Variants in PRKCI observed in about 807,000 individuals in gnomAD.
The protein encoded by PRKCI is protein kinase C iota.
In PRKCI, 43 loss-of-function variants were observed where a neutral mutation model predicts 84.0. The ratio of observed to expected loss-of-function variants is 0.51; its 90% CI spans 0.40 to 0.66. The LOEUF (loss-of-function observed/expected upper bound fraction) is 0.66. Among genes scored for constraint, PRKCI ranks in the 30% least tolerant of loss-of-function variants. The pLI, the probability that PRKCI is intolerant of heterozygous loss-of-function variation, is 0.00. For synonymous variants in PRKCI, 216 were observed against 234.4 expected, an observed-to-expected ratio of 0.92 and a Z score of 0.72; for missense variants, 459 against 745.6, an observed-to-expected ratio of 0.62 and a Z score of 4.48.
chr3:170,273,423 T>A lies in PRKCI; in HGVS notation c.646+83T>A, dbSNP rs2108855121. On this transcript the variant is annotated intron_variant, in intron 7 of 17. Coordinates refer to ENST00000295797, the MANE Select transcript of PRKCI (RefSeq NM_002740.6). ...ACTTAGGTGACTCTCTTACCCAAGTTTAAAAACATTTACTTCTTCCCAATT... is the reference window on the plus strand; with the variant it reads ...ACTTAGGTGACTCTCTTACCCAAGTATAAAAACATTTACTTCTTCCCAATT... 17 of 1,260,292 alleles carry A rather than the reference T, an allele frequency of 1.3e-5. No individual in the cohort carries two copies. In the South Asian group the frequency reaches 2.1e-4, roughly 16 times the overall value. 78.1% of individuals were successfully genotyped at this position (1,260,292 alleles called of 1,614,324 possible).
chr3:170,275,993 G>A (rs952060710), intron 8 of PRKCI, among the ~76,000 whole-genome samples: 2 of 149,524 alleles, frequency 1.3e-5, no homozygotes, highest in African/African-American at 5.0e-5. Context: ...GAGTGCAGTG[G>A]TGTGATTATG....
chr3:170,239,005 A>G, intron 2 of PRKCI, among the ~76,000 whole-genome samples: 1 of 152,218 alleles, frequency 6.6e-6, no homozygotes, highest in East Asian at 1.9e-4. Context: ...AAGTGCTGGG[A>G]TTACAGGTGT....
At chr3:170,262,852 A>G (rs1461010882) in intron 3 of PRKCI, among the ~76,000 whole-genome samples, 3 of 141,694 alleles carry the variant, frequency 2.1e-5, no homozygotes. Flanking sequence ...TTTTTTTTTA[A>G]CATCAACAAA....
In PRKCI at chr3:170,281,198, G is replaced by A. The variant is rs965166712; in HGVS notation, c.915G>A (p.Val305=). 1.2e-6 allele frequency: 2 copies of A among 1,613,636 alleles called. No homozygotes were observed. Among genetic ancestry groups the A allele is most frequent in the African/African-American group, 1.3e-5 (1 of 75,042 alleles). The change falls in exon 10 of 18, where the codon GTG becomes GTA. Residue 305 remains valine, a synonymous_variant. Transcript: ENST00000295797. Reference sequence around the variant, plus strand: ...ATTGGGTACAGACAGAGAAGCATGTGTTTGAGCAGGCATCCAATCATCCTT... The same window carrying A: ...ATTGGGTACAGACAGAGAAGCATGTATTTGAGCAGGCATCCAATCATCCTT... ...DIDWVQTEKH[V]FEQASNHPFL...
At chr3:170,268,946 G>A (rs1348015454) in intron 5 of PRKCI, among the ~76,000 whole-genome samples, 4 of 151,926 alleles carry the variant, frequency 2.6e-5, no homozygotes, top group Non-Finnish European at 4.4e-5. Flanking sequence ...ACAGAGTCCC[G>A]CTCTATCGCC....
chr3:170,267,026 A>G (rs571096237), intron 4 of PRKCI, among the ~76,000 whole-genome samples: 1 of 152,176 alleles, frequency 6.6e-6, no homozygotes, highest in Admixed American at 6.5e-5. Flanking sequence ...CAGTTAGGGA[A>G]GTTTGTATAT....
intron 2 of PRKCI, among the ~76,000 whole-genome samples, chr3:170,242,627 T>C (rs982117287): frequency 6.6e-6 from 1 of 151,906 alleles, no homozygotes; most frequent in Non-Finnish European, 1.5e-5. Context: ...TATTACATTA[T>C]TTATAATGTA....
rs1188317708 is a variant in PRKCI at position 170,303,987 on chromosome 3, C to T, written c.*860C>T. On this transcript the variant is annotated 3_prime_UTR_variant, in exon 18 of 18. Transcript: ENST00000295797. ...ACAGTGAGTGAGACTCGGTCTCAAA[C>T]AAAAACCAAATTGGGAAATTCTTCT... 9 of 160,796 alleles carry T rather than the reference C, an allele frequency of 5.6e-5. No individual in the cohort carries two copies. In the East Asian group the frequency reaches 1.3e-3, roughly 24 times the overall value. 10.0% of individuals were successfully genotyped at this position (160,796 alleles called of 1,614,324 possible). A position where few individuals can be genotyped will look rare whatever the true frequency, so the allele number is the denominator to read the frequency against.
chr3:170,222,728 G>T lies in PRKCI; in HGVS notation c.59G>T (p.Gly20Val). 6.2e-7 allele frequency: 1 copy of T among 1,611,356 alleles called. No individual in the cohort carries two copies. The highest frequency in any genetic ancestry group is 1.3e-5 in the African/African-American group (1 of 74,970). The change falls in exon 1 of 18, where the codon GGG becomes GTG. Residue 20 changes from glycine to valine, a missense_variant. Gly to Val is a moderately radical substitution (Grantham distance 109, BLOSUM62 -3). Coordinates refer to ENST00000295797, the MANE Select transcript of PRKCI (RefSeq NM_002740.6). ...MSHTVAGGGS[G>V]DHSHQVRVKA... ...CACACGGTCGCAGGCGGCGGCAGCG[G>T]GGACCATTCCCACCAGGTCCGGGTG...
In PRKCI at chr3:170,273,282, G is replaced by C; in HGVS notation, c.592-4G>C. ...AGTTACTGTGTCTTTGGAAATGTTT[G>C]TAGGAACCAGTGATGCCCATGGATC... is the stretch of plus-strand genomic sequence containing the variant. On this transcript the variant is annotated splice_polypyrimidine_tract_variant and splice_region_variant and intron_variant, in intron 6 of 17. Coordinates refer to ENST00000295797, the MANE Select transcript of PRKCI (RefSeq NM_002740.6). 6.2e-7 allele frequency: 1 copy of C among 1,613,038 alleles called. No individual in the cohort carries two copies. Among genetic ancestry groups the C allele is most frequent in the Non-Finnish European group, 8.5e-7 (1 of 1,179,170 alleles).
chr3:170,304,771 G>C lies in PRKCI; in HGVS notation c.*1644G>C, dbSNP rs1163425342. ...ATTTTAAATATATTTTTAATGAAAA[G>C]GGACTTAAAAAGTAAACATGATTAT... On this transcript the variant is annotated 3_prime_UTR_variant, in exon 18 of 18. Transcript: ENST00000295797. The C allele has an allele frequency of 6.6e-6, 1 of 152,046 alleles. No individual in the cohort carries two copies. The highest frequency in any genetic ancestry group is 1.5e-5 in the Non-Finnish European group (1 of 68,004). The allele number at this position is 152,046 out of a possible 1,614,324, so 9.4% of individuals were successfully genotyped here. A position where few individuals can be genotyped will look rare whatever the true frequency, so the allele number is the denominator to read the frequency against.
At chr3:170,285,784 G>A (rs1441480923) in intron 12 of PRKCI, among the ~76,000 whole-genome samples, 3 of 149,424 alleles carry the variant, frequency 2.0e-5, no homozygotes, top group Non-Finnish European at 4.4e-5. Flanking sequence ...TCGCTCTGTC[G>A]TCCAGGCTGG....
intron 12 of PRKCI, among the ~76,000 whole-genome samples, chr3:170,287,334 T>TAG (rs1403858677): frequency 6.7e-6 from 1 of 149,722 alleles, no homozygotes; most frequent in African/African-American, 2.4e-5. Flanking sequence ...AATATATATA[T>TAG]ATATAGAGAG....
At position 170,295,975 on chromosome 3, in the gene PRKCI, G is replaced by T; in HGVS notation, c.1482G>T (p.Lys494Asn). The change falls in exon 15 of 18, where the codon AAG (lysine) becomes AAT (asparagine). Residue 494 changes from lysine to asparagine, a missense_variant. Around this residue, in one of 2 missense-constraint regions of PRKCI, gnomAD observed 209 missense variants for 425.9 expected, o/e 0.49. Coordinates refer to ENST00000295797, the MANE Select transcript of PRKCI (RefSeq NM_002740.6). The stretch of plus-strand genomic sequence containing the variant: ...CTGTAAAAGCTGCAAGTGTTCTGAA[G>T]AGTTTTCTTAATAAGGTATAAATTG... Reference protein sequence around the residue: ...SLSVKAASVLKSFLNKDPKER... With the variant: ...SLSVKAASVLNSFLNKDPKER... 1 of 1,551,606 alleles carries T rather than the reference G, an allele frequency of 6.4e-7. No homozygotes were observed.
In PRKCI at chr3:170,235,281, C is replaced by G. The variant is rs1296298304; in HGVS notation, c.153C>G (p.Cys51Trp). The G allele has an allele frequency of 6.2e-7, 1 of 1,613,956 alleles. No homozygotes were observed. The highest frequency in any genetic ancestry group is 1.3e-5 in the African/African-American group (1 of 75,028). Reference protein sequence around the residue: ...FEPSISFEGLCNEVRDMCSFD... With the variant: ...FEPSISFEGLWNEVRDMCSFD... ...CTTCCATCTCCTTTGAGGGCCTTTGCAATGAGGTTCGAGACATGTGTTCTT... is the reference window on the plus strand; with the variant it reads ...CTTCCATCTCCTTTGAGGGCCTTTGGAATGAGGTTCGAGACATGTGTTCTT... Residue 51 changes from cysteine (C) to tryptophan (W), a missense_variant, in exon 2 of 18, where the codon TGC (cysteine) becomes TGG (tryptophan). Physicochemically the swap from Cys to Trp is radical, Grantham distance 215. This residue lies in a region of PRKCI where 250 missense variants were observed against 319.7 expected (regional missense o/e 0.78). Coordinates refer to ENST00000295797, the MANE Select transcript of PRKCI (RefSeq NM_002740.6).
intron 4 of PRKCI, 97 bp downstream of exon 4, chr3:170,263,526 G>A: frequency 3.9e-6 from 4 of 1,037,378 alleles, no homozygotes; most frequent in Non-Finnish European, 5.8e-6. Flanking sequence ...TAGGTGCAGT[G>A]GACAGTGGCT....
intron 2 of PRKCI, among the ~76,000 whole-genome samples, chr3:170,251,304 A>G (rs61092288): frequency 0.081 from 12,262 of 152,246 alleles, 684 homozygotes; most frequent in East Asian, 0.21. Context: ...AGGAAAAATA[A>G]ATGCTCAACA....
chr3:170,265,210 A>G (rs1705597), intron 4 of PRKCI, among the ~76,000 whole-genome samples: 20,464 of 151,866 alleles, frequency 0.13, 1,677 homozygotes, highest in Non-Finnish European at 0.19. Flanking sequence ...AAAGAAAAAA[A>G]CTGCACTCCA....
At chr3:170,277,014 G>A (rs1734130821) in intron 8 of PRKCI, among the ~76,000 whole-genome samples, 1 of 150,670 alleles carries the variant, frequency 6.6e-6, no homozygotes, top group South Asian at 2.1e-4. Context: ...GCAGAGTCAG[G>A]CAGATCACTT....
Sources: allele counts gnomAD v4.1 joint callset (sites outside exome capture counted in the v4.1 genomes callset), GRCh38; gene constraint gnomAD v4.1.1; regional missense constraint gnomAD v4.1.1; transcripts MANE v1.5; gene names NCBI Gene and HGNC (gene_info 2026-07-23, HGNC 2026-07-21).